The following SH3PXD2A variants were observed in gnomAD, a reference collection of about 807,000 sequenced individuals.
SH3PXD2A encodes SH3 and PX domain-containing protein 2A.
In SH3PXD2A, 32 loss-of-function variants were observed where a neutral mutation model predicts 115.2. The observed-to-expected ratio is 0.28, with a 90% CI of 0.21 to 0.37. The LOEUF (loss-of-function observed/expected upper bound fraction) is 0.37, where lower values mean the gene tolerates loss of function less well. Among genes scored for constraint, SH3PXD2A ranks in the 10% least tolerant of loss-of-function variants. The pLI is 1.00. For synonymous variants in SH3PXD2A, 610 were observed against 629.1 expected (o/e 0.97, Z 0.45); for missense variants, 1,328 against 1,498.7 (o/e 0.89, Z 1.88).
At chr10:103,632,952 G>A (rs1303257746) in intron 8 of SH3PXD2A, among the ~76,000 whole-genome samples, 2 of 151,258 alleles carry the variant, frequency 1.3e-5, no homozygotes, top group South Asian at 2.1e-4. Context: ...CCAGCCTGGC[G>A]ACAGAGCGAG....
At chr10:103,829,254 G>A (rs893947714) in intron 1 of SH3PXD2A, among the ~76,000 whole-genome samples, 2 of 152,290 alleles carry the variant, frequency 1.3e-5, no homozygotes, top group South Asian at 4.1e-4. Context: ...AAACAAAGGA[G>A]CCATCTAGAA....
chr10:103,753,411 G>A (rs2038602506), intron 3 of SH3PXD2A, among the ~76,000 whole-genome samples: 1 of 146,112 alleles, frequency 6.8e-6, no homozygotes, highest in Non-Finnish European at 1.5e-5. Flanking sequence ...CAGGAGAATT[G>A]CTTGAACCCA....
rs531542610 is a variant in SH3PXD2A, at chr10:103,746,591, G to A, written c.230-10783C>T. Among the ~76,000 whole-genome samples, 2 of 152,290 alleles carry A rather than the reference G, an allele frequency of 1.3e-5. No homozygotes were observed. The highest frequency in any genetic ancestry group is 4.2e-4 in the South Asian group (2 of 4,818). ...CCCAGAGTACTGGGATTACAGACGT[G>A]AGCCACTGCGCCTGGCCTCAGAATA... On this transcript the variant is annotated intron_variant, in intron 3 of 14. Transcript: ENST00000369774. This position sits in a 1 kb window ranked among gnomAD's most constrained non-coding sequence, Gnocchi z 4.4.
intron 2 of SH3PXD2A, among the ~76,000 whole-genome samples, chr10:103,791,640 C>T (rs1388109174): frequency 6.6e-6 from 1 of 151,988 alleles, no homozygotes; most frequent in Non-Finnish European, 1.5e-5. Flanking sequence ...CCTAGATGCT[C>T]TATCCCCGCT....
chr10:103,664,608 C>T (rs1252505998), intron 7 of SH3PXD2A, among the ~76,000 whole-genome samples: 1 of 152,124 alleles, frequency 6.6e-6, no homozygotes, highest in Non-Finnish European at 1.5e-5. Context: ...CCCATTACAT[C>T]CCAGGTACCT....
intron 2 of SH3PXD2A, among the ~76,000 whole-genome samples, chr10:103,769,386 A>C (rs1032303817): frequency 6.6e-6 from 1 of 151,960 alleles, no homozygotes; most frequent in Non-Finnish European, 1.5e-5. Context: ...ACTTCCCTGA[A>C]TACAGATGGA....
At chr10:103,811,778 T>C (rs2039273602) in intron 1 of SH3PXD2A, among the ~76,000 whole-genome samples, 1 of 152,196 alleles carries the variant, frequency 6.6e-6, no homozygotes, top group African/African-American at 2.4e-5. Flanking sequence ...GCACTCTATT[T>C]TGCATAGTTT....
chr10:103,853,640 T>G (rs927543962), intron 1 of SH3PXD2A, among the ~76,000 whole-genome samples: 2 of 152,230 alleles, frequency 1.3e-5, no homozygotes, highest in African/African-American at 2.4e-5. Context: ...GTCCTGCATC[T>G]GCAACCTTGG....
intron 8 of SH3PXD2A, among the ~76,000 whole-genome samples, chr10:103,630,759 A>AAG (rs1436182561): frequency 6.6e-6 from 1 of 151,352 alleles, no homozygotes; most frequent in East Asian, 1.9e-4. Flanking sequence ...AAAAAAAAAA[A>AAG]AAAAAAGGAA....
intron 9 of SH3PXD2A, among the ~76,000 whole-genome samples, chr10:103,626,007 G>A (rs888241819): frequency 2.6e-5 from 4 of 152,250 alleles, no homozygotes; most frequent in African/African-American, 9.6e-5. Flanking sequence ...AGGTGCAATG[G>A]AACCAGAGGG....
chr10:103,635,537 A>G (rs2036851233), intron 8 of SH3PXD2A, among the ~76,000 whole-genome samples: 2 of 152,186 alleles, frequency 1.3e-5, no homozygotes, highest in African/African-American at 4.8e-5. Context: ...AGGGGCTACC[A>G]TGCTCATTCC....
chr10:103,653,236 C>T (rs1339875699), intron 8 of SH3PXD2A, among the ~76,000 whole-genome samples: 2 of 152,218 alleles, frequency 1.3e-5, no homozygotes, highest in African/African-American at 4.8e-5. Flanking sequence ...ACTTAGTCAG[C>T]TCGTACAGAT....
chr10:103,828,688 A>G (rs531861334), intron 1 of SH3PXD2A, among the ~76,000 whole-genome samples: 2 of 152,256 alleles, frequency 1.3e-5, no homozygotes, highest in Non-Finnish European at 2.9e-5. Context: ...CATCAGCCCT[A>G]TGGCCAAGTG....
At chr10:103,697,848 A>G (rs969939911) in intron 5 of SH3PXD2A, among the ~76,000 whole-genome samples, 2 of 152,100 alleles carry the variant, frequency 1.3e-5, no homozygotes, top group Admixed American at 6.5e-5. Flanking sequence ...AACAATTCAC[A>G]TGTGTTGTTC....
intron 5 of SH3PXD2A, among the ~76,000 whole-genome samples, chr10:103,696,497 C>G (rs555440402): frequency 6.6e-6 from 1 of 152,154 alleles, no homozygotes; most frequent in African/African-American, 2.4e-5. Context: ...AGAACCCCCC[C>G]TCTTCCCATC....
At chr10:103,808,967 G>A (rs1311363108) in intron 1 of SH3PXD2A, among the ~76,000 whole-genome samples, 1 of 152,210 alleles carries the variant, frequency 6.6e-6, no homozygotes, top group Non-Finnish European at 1.5e-5. Context: ...CCCATTCCCA[G>A]AAGCAAATCC....
In SH3PXD2A at chr10:103,627,873, CT is replaced by C. The variant is rs1371106675; in HGVS notation, c.605-672del. Among the ~76,000 whole-genome samples the C allele has an allele frequency of 6.6e-6, 1 of 152,236 alleles. No homozygotes were observed. Among genetic ancestry groups the C allele is most frequent in the African/African-American group, 2.4e-5 (1 of 41,460 alleles). On this transcript the variant is annotated intron_variant, in intron 8 of 14. Coordinates refer to ENST00000369774, the MANE Select transcript of SH3PXD2A (RefSeq NM_001394015.1). The surrounding 1 kb of genome is among the most constrained non-coding windows in gnomAD (Gnocchi z 4.4). ...GGACTCCACTAACTGCCTTTGGTCCCTTCCGAGAAGGTCCTCTTCACACGGT... is the reference window on the plus strand; with the variant it reads ...GGACTCCACTAACTGCCTTTGGTCCCTCCGAGAAGGTCCTCTTCACACGGT...
At position 103,602,648 on chromosome 10, in the gene SH3PXD2A, G is replaced by A. The variant is rs998693437; in HGVS notation, c.2570C>T (p.Ser857Leu). ...CACGCCCGCGGGGAAGCTGATCTCC[G>A]AGTCCTGGACCTTCTGGTAGGCGCT... ...TCSAYQKVQD[S>L]EISFPAGVEV... The change falls in exon 15 of 15, where the codon TCG becomes TTG. Residue 857 changes from serine (S) to leucine (L), a missense_variant. Physicochemically the swap from Ser to Leu is moderately radical, Grantham distance 145. Around this residue, in one of 5 missense-constraint regions of SH3PXD2A, gnomAD observed 574 missense variants for 565.7 expected, o/e 1.01. Transcript: ENST00000369774. 2 of 1,613,978 alleles carry A rather than the reference G, an allele frequency of 1.2e-6. No individual in the cohort carries two copies. The highest frequency in any genetic ancestry group is 1.7e-5 in the Admixed American group (1 of 60,002).
intron 6 of SH3PXD2A, among the ~76,000 whole-genome samples, chr10:103,670,947 G>A (rs187220155): frequency 6.6e-6 from 1 of 152,360 alleles, no homozygotes; most frequent in East Asian, 1.9e-4. Flanking sequence ...TGGCCAAGTG[G>A]GCTGCCTGCT....
Sources: allele counts gnomAD v4.1 joint callset (sites outside exome capture counted in the v4.1 genomes callset), GRCh38; gene constraint gnomAD v4.1.1; regional missense constraint gnomAD v4.1.1; non-coding constraint Gnocchi (gnomAD v3.1); transcripts MANE v1.5; gene names NCBI Gene and HGNC (gene_info 2026-07-23, HGNC 2026-07-21).